Variants in ELMO1 observed in about 807,000 individuals in gnomAD.
The protein encoded by ELMO1 is engulfment and cell motility 1.
In ELMO1, 26 loss-of-function variants were observed where a neutral mutation model predicts 98.9. The observed-to-expected ratio is 0.26, with a 90% CI of 0.19 to 0.36. The LOEUF is 0.36. Ranked by LOEUF, ELMO1 falls within the 10% of genes least tolerant of loss-of-function variation. The pLI, the probability that ELMO1 is intolerant of heterozygous loss-of-function variation, is 1.00. For synonymous variants in ELMO1, 346 were observed against 346.0 expected (o/e 1.00, Z 0.00); for missense variants, 627 against 935.2 (o/e 0.67, Z 4.30).
intron 16 of ELMO1, among the ~76,000 whole-genome samples, chr7:37,000,938 T>TACACACACACACACACAC (rs145766627): frequency 8.1e-5 from 12 of 147,406 alleles, no homozygotes; most frequent in South Asian, 2.1e-4. Context: ...TATATGTGTA[T>TACACACACACACACACAC]ACACACACAC....
At chr7:37,266,923 G>T (rs1336389391) in intron 5 of ELMO1, among the ~76,000 whole-genome samples, 1 of 151,558 alleles carries the variant, frequency 6.6e-6, no homozygotes, top group South Asian at 2.1e-4. Context: ...TGAGGCAGGA[G>T]AATCACTTGA....
chr7:37,004,303 T>C (rs550698946), intron 16 of ELMO1, among the ~76,000 whole-genome samples: 2 of 152,318 alleles, frequency 1.3e-5, no homozygotes, highest in Admixed American at 1.3e-4. Flanking sequence ...ATTCAGGTCA[T>C]AGAAACCAGT....
chr7:37,288,702 G>A (rs1198911895), intron 4 of ELMO1, among the ~76,000 whole-genome samples: 1 of 152,222 alleles, frequency 6.6e-6, no homozygotes, highest in African/African-American at 2.4e-5. Flanking sequence ...CTTGATGGCG[G>A]AATGACTGCC....
chr7:37,035,069 T>G (rs1343474909), intron 15 of ELMO1, among the ~76,000 whole-genome samples: 2 of 152,206 alleles, frequency 1.3e-5, no homozygotes, highest in Admixed American at 6.5e-5. Context: ...TCTCTTCCTT[T>G]CCAATAGATT....
At chr7:37,199,130 G>A (rs1256710559) in intron 13 of ELMO1, among the ~76,000 whole-genome samples, 1 of 152,226 alleles carries the variant, frequency 6.6e-6, no homozygotes, top group Non-Finnish European at 1.5e-5. Flanking sequence ...TAGGAAAGGA[G>A]TTTGGAAAAA....
chr7:37,349,756 G>T (rs1164807670), intron 1 of ELMO1, among the ~76,000 whole-genome samples: 1 of 152,130 alleles, frequency 6.6e-6, no homozygotes, highest in African/African-American at 2.4e-5. Context: ...ACCTGGCCTA[G>T]TCTTCACTTT....
At chr7:37,158,391 A>G (rs1788947225) in intron 13 of ELMO1, among the ~76,000 whole-genome samples, 1 of 152,128 alleles carries the variant, frequency 6.6e-6, no homozygotes, top group South Asian at 2.1e-4. Flanking sequence ...TGGGAGAAAA[A>G]TTTTGCAATC....
intron 1 of ELMO1, among the ~76,000 whole-genome samples, chr7:37,353,971 CA>C (rs1206364026): frequency 6.6e-6 from 1 of 152,200 alleles, no homozygotes; most frequent in Non-Finnish European, 1.5e-5. Context: ...GGGTCTGCTT[CA>C]AAAATTCCCA....
intron 6 of ELMO1, among the ~76,000 whole-genome samples, chr7:37,255,063 A>G (rs1387437613): frequency 2.0e-5 from 3 of 152,188 alleles, no homozygotes; most frequent in Non-Finnish European, 4.4e-5. Flanking sequence ...TTTTTCTTTT[A>G]AAGCAAAAAT....
intron 13 of ELMO1, among the ~76,000 whole-genome samples, chr7:37,178,869 T>C (rs1790664856): frequency 2.0e-5 from 3 of 151,994 alleles, no homozygotes; most frequent in African/African-American, 7.3e-5. Context: ...CCATTAAAAA[T>C]AAGGAAAGAC....
At chr7:37,121,890 G>C (rs967563181) in intron 14 of ELMO1, among the ~76,000 whole-genome samples, 1 of 152,170 alleles carries the variant, frequency 6.6e-6, no homozygotes, top group African/African-American at 2.4e-5. Flanking sequence ...AGAGAGAAAG[G>C]ACGGGTTACC....
rs574087602 is a variant in ELMO1, at chr7:36,958,286, C to T, written c.1437+55013G>A. On this transcript the variant is annotated intron_variant, in intron 16 of 21. Transcript: ENST00000310758. ...TGCCTCCTCCACCCACCTGAACAGC[C>T]GAACAGGCTGGAGAAAAGCATACAA... Among the ~76,000 whole-genome samples the T allele has an allele frequency of 2.8e-3, 430 of 152,286 alleles. 2 individuals carry two copies. Among genetic ancestry groups the T allele is most frequent in the Middle Eastern group, 0.01 (3 of 294 alleles).
chr7:37,435,198 T>G (rs1282848595), intron 1 of ELMO1: 1 of 152,312 alleles, frequency 6.6e-6, no homozygotes, highest in East Asian at 1.9e-4. Context: ...CTCCCACTAC[T>G]TCACTTGACT....
intron 21 of ELMO1, among the ~76,000 whole-genome samples, chr7:36,860,155 T>C (rs1384080126): frequency 6.6e-6 from 1 of 152,218 alleles, no homozygotes; most frequent in Non-Finnish European, 1.5e-5. Flanking sequence ...CAACTGCTTA[T>C]GCTATGGGGA....
chr7:37,199,087 T>C (rs1204540723), intron 13 of ELMO1, among the ~76,000 whole-genome samples: 1 of 152,170 alleles, frequency 6.6e-6, no homozygotes, highest in Admixed American at 6.5e-5. Flanking sequence ...TGCCCACAAA[T>C]GTCCCTCCTA....
chr7:37,130,202 C>A (rs923421516), intron 14 of ELMO1, among the ~76,000 whole-genome samples: 2 of 152,252 alleles, frequency 1.3e-5, no homozygotes, highest in East Asian at 1.9e-4. Flanking sequence ...CTTCACCCCC[C>A]ACCCCACCAC....
At chr7:37,396,779 T>C (rs1326729266) in intron 1 of ELMO1, among the ~76,000 whole-genome samples, 1 of 152,244 alleles carries the variant, frequency 6.6e-6, no homozygotes, top group East Asian at 1.9e-4. Flanking sequence ...TTTTGCCTAT[T>C]TGCCTATTTC....
intron 16 of ELMO1, among the ~76,000 whole-genome samples, chr7:36,904,599 CTTTAA>C (rs1783822805): frequency 1.3e-5 from 2 of 152,296 alleles, no homozygotes; most frequent in South Asian, 2.1e-4. Flanking sequence ...TGAGAAAGCA[CTTTAA>C]TTTAAGGCTC....
At chr7:36,872,047 C>T (rs1488613602) in intron 19 of ELMO1, among the ~76,000 whole-genome samples, 1 of 152,196 alleles carries the variant, frequency 6.6e-6, no homozygotes, top group African/African-American at 2.4e-5. Flanking sequence ...GAATAGCTGT[C>T]TCTCCTTCCT....
Sources: gnomAD v4.1 joint callset for allele counts (sites outside exome capture counted in the v4.1 genomes callset) on GRCh38, gnomAD v4.1.1 for gene constraint, MANE v1.5 for transcripts, NCBI Gene and HGNC (gene_info 2026-07-23, HGNC 2026-07-21) for gene names.